The following SORCS2 variants were observed in gnomAD, a reference collection of about 807,000 sequenced individuals.
The protein encoded by SORCS2 is sortilin related VPS10 domain containing receptor 2.
A neutral mutation model predicts 141.6 loss-of-function variants in SORCS2; 100 were observed. That is an observed-to-expected ratio of 0.71 (90% CI 0.60 to 0.83). The LOEUF is 0.83. Among genes scored for constraint, SORCS2 ranks in the 40% least tolerant of loss-of-function variants. The pLI is 0.00. For synonymous variants in SORCS2, 789 were observed against 676.9 expected (o/e 1.17, Z -2.57); for missense variants, 1,646 against 1,560.2 (o/e 1.05, Z -0.93).
chr4:7,599,428 T>C lies in SORCS2; in HGVS notation c.649-38900T>C, dbSNP rs564524436. On this transcript the variant is annotated intron_variant, in intron 3 of 26. Coordinates refer to ENST00000507866, the MANE Select transcript of SORCS2 (RefSeq NM_020777.3). ...GTGTGCTCCGTGCAGATGTTGATCT[T>C]TGGGAGACAGGTTTAGGAGGTGGTG... Among the ~76,000 whole-genome samples the C allele has an allele frequency of 1.9e-3, 286 of 152,270 alleles. 3 individuals carry two copies. The highest frequency in any genetic ancestry group is 6.6e-3 in the African/African-American group (275 of 41,564).
intron 3 of SORCS2, among the ~76,000 whole-genome samples, chr4:7,631,631 C>G (rs1719901778): frequency 6.6e-6 from 1 of 152,152 alleles, no homozygotes; most frequent in South Asian, 2.1e-4. Flanking sequence ...ATGTTTCTGT[C>G]TGCTGTGACC....
chr4:7,699,390 A>G (rs1172028413), intron 12 of SORCS2, among the ~76,000 whole-genome samples: 1 of 152,180 alleles, frequency 6.6e-6, no homozygotes, highest in Non-Finnish European at 1.5e-5. Context: ...TGGATGCAGC[A>G]TCGCCCTCCT....
chr4:7,403,959 GTGTATATATATATATATA>G (rs1374580452), intron 2 of SORCS2, among the ~76,000 whole-genome samples: 300 of 13,048 alleles, frequency 0.023, 6 homozygotes, highest in African/African-American at 0.042. Flanking sequence ...GCCTCCATGT[GTGTATATATATATATATA>G]TATATATATA....
At chr4:7,252,733 G>C (rs1713590463) in intron 1 of SORCS2, among the ~76,000 whole-genome samples, 1 of 152,200 alleles carries the variant, frequency 6.6e-6, no homozygotes, top group Non-Finnish European at 1.5e-5. Flanking sequence ...CGTCAGCCAG[G>C]ACTGTTGCAG....
At chr4:7,407,751 C>T (rs914392666) in intron 2 of SORCS2, among the ~76,000 whole-genome samples, 1 of 152,068 alleles carries the variant, frequency 6.6e-6, no homozygotes, top group Non-Finnish European at 1.5e-5. Context: ...TGTATATCCC[C>T]TCTTCCTTTC....
In SORCS2 at chr4:7,286,037, G is replaced by A. The variant is rs987572163; in HGVS notation, c.480+92911G>A. On this transcript the variant is annotated intron_variant, in intron 1 of 26. Coordinates refer to ENST00000507866, the MANE Select transcript of SORCS2 (RefSeq NM_020777.3). The surrounding 1 kb of genome is among the most constrained non-coding windows in gnomAD (Gnocchi z 4.1). ...TGCCCTGCCGAGAGCCAGCTGCCCC[G>A]CCGGGGGCTCCCTGCCTGCCTCCCA... Among the ~76,000 whole-genome samples the A allele has an allele frequency of 3.3e-5, 5 of 152,174 alleles. No homozygotes were observed. The highest frequency in any genetic ancestry group is 2.1e-4 in the South Asian group (1 of 4,836).
chr4:7,696,215 A>C (rs1468454574), intron 11 of SORCS2, among the ~76,000 whole-genome samples: 2 of 152,156 alleles, frequency 1.3e-5, no homozygotes, highest in Non-Finnish European at 2.9e-5. Context: ...ATGATATACA[A>C]GTCACCCAGG....
At chr4:7,529,170 C>T (rs527745775) in intron 2 of SORCS2, among the ~76,000 whole-genome samples, 2 of 152,266 alleles carry the variant, frequency 1.3e-5, no homozygotes, top group South Asian at 4.1e-4. Flanking sequence ...AATGCCTTTC[C>T]CCAGCCAGGC....
At chr4:7,650,715 T>TCCCTG (rs1721381638) in intron 4 of SORCS2, among the ~76,000 whole-genome samples, 3 of 58,082 alleles carry the variant, frequency 5.2e-5, no homozygotes, top group Admixed American at 1.9e-4. Flanking sequence ...CAGCCCTCTC[T>TCCCTG]CCCCGCCCCG....
intron 15 of SORCS2, among the ~76,000 whole-genome samples, chr4:7,713,083 G>T (rs1725936032): frequency 6.6e-6 from 1 of 152,112 alleles, no homozygotes; most frequent in Non-Finnish European, 1.5e-5. Context: ...CACTCGGGGA[G>T]TGTGGGGCTA....
At chr4:7,733,061 G>A (rs760103357) in intron 23 of SORCS2, among the ~76,000 whole-genome samples, 65 of 133,482 alleles carry the variant, frequency 4.9e-4, no homozygotes, top group Non-Finnish European at 8.6e-4. Context: ...GTGGATCCCA[G>A]CAGACCTTGC....
chr4:7,430,589 C>A (rs35845946), intron 2 of SORCS2: 25,138 of 152,246 alleles, frequency 0.17, 2,557 homozygotes, highest in East Asian at 0.43. Context: ...ACTTGCTCGG[C>A]TCTGGCAGCC....
Position 7,292,523 on chromosome 4 carries a change from T to C in SORCS2, c.480+99397T>C, listed in dbSNP as rs149049278. On this transcript the variant is annotated intron_variant, in intron 1 of 26. Transcript: ENST00000507866. ...GCTTGGCCTGGGCAGGGAGAATCAA[T>C]GTAACTTTAGGGTGCACAGGAGAAA... 1.4e-4 allele frequency among the ~76,000 whole-genome samples: 22 copies of C among 152,304 alleles called. No individual in the cohort carries two copies. In the East Asian group the frequency reaches 4.2e-3, roughly 29 times the overall value.
At chr4:7,458,707 C>G (rs1400953538) in intron 2 of SORCS2, among the ~76,000 whole-genome samples, 1 of 152,168 alleles carries the variant, frequency 6.6e-6, no homozygotes, top group Non-Finnish European at 1.5e-5. Context: ...GTGACCGAGA[C>G]AAGGTCCCAG....
chr4:7,721,542 C>T (rs557701889), intron 18 of SORCS2, among the ~76,000 whole-genome samples: 2 of 152,298 alleles, frequency 1.3e-5, no homozygotes, highest in South Asian at 4.1e-4. Flanking sequence ...AAAAGCCACT[C>T]CCACATGATC....
chr4:7,288,445 C>T (rs752682603), intron 1 of SORCS2, among the ~76,000 whole-genome samples: 2 of 151,374 alleles, frequency 1.3e-5, no homozygotes, highest in Admixed American at 6.6e-5. Context: ...GTATTTCTCA[C>T]GGTCCTGGAG....
intron 1 of SORCS2, among the ~76,000 whole-genome samples, chr4:7,205,958 A>G (rs562463336): frequency 3.3e-4 from 50 of 152,310 alleles, no homozygotes; most frequent in African/African-American, 1.2e-3. Flanking sequence ...AGGCAGGAGA[A>G]TTGCTTGAAC....
At chr4:7,361,848 G>T (rs1721600793) in intron 1 of SORCS2, among the ~76,000 whole-genome samples, 1 of 147,512 alleles carries the variant, frequency 6.8e-6, no homozygotes, top group South Asian at 2.2e-4. Flanking sequence ...CAGGTGCTCA[G>T]AGAAGCTTCT....
chr4:7,308,179 C>T (rs189387693), intron 1 of SORCS2, among the ~76,000 whole-genome samples: 1 of 152,270 alleles, frequency 6.6e-6, no homozygotes, highest in Admixed American at 6.5e-5. Context: ...CTTGACTCCA[C>T]CCCAGGCCGA....
Sources: allele counts gnomAD v4.1 joint callset (sites outside exome capture counted in the v4.1 genomes callset), GRCh38; gene constraint gnomAD v4.1.1; non-coding constraint Gnocchi (gnomAD v3.1); transcripts MANE v1.5; gene names NCBI Gene and HGNC (gene_info 2026-07-23, HGNC 2026-07-21).